MYH15: variants seen among roughly 807,000 people sequenced by gnomAD.
The protein encoded by MYH15 is myosin-15.
Under a neutral mutation model 240.5 loss-of-function variants are expected in MYH15, and 227 were observed. The observed-to-expected ratio is 0.94, with a 90% CI of 0.85 to 1.05. The LOEUF is 1.05. MYH15 is among the 50% of genes least tolerant of loss of function. The pLI, the probability that MYH15 is intolerant of heterozygous loss-of-function variation, is 0.00. For missense variants in MYH15, 2,217 were observed against 2,247.5 expected (o/e 0.99, Z 0.27); for synonymous variants, 785 against 796.7 (o/e 0.99, Z 0.25).
rs1191442855 is a variant in MYH15 at position 108,391,833 on chromosome 3, T to C, written c.5357A>G (p.Gln1786Arg). 9 of 1,614,040 alleles carry C rather than the reference T, an allele frequency of 5.6e-6. No individual in the cohort carries two copies. The highest frequency in any genetic ancestry group is 5.5e-5 in the South Asian group (5 of 91,088). Residue 1786 changes from glutamine (Q) to arginine (R), a missense_variant, in exon 37 of 41, where the codon CAG (glutamine) becomes CGG (arginine). Transcript: ENST00000693548. ...CTGTTCAGCTTCAGCCAGCCTTTTC[T>C]GTAAGTCTGTAATTGTCTGCTCCAT... ...ENMEQTITDL[Q>R]KRLAEAEQMA...
chr3:108,427,329 T>G (rs2082731993), intron 27 of MYH15, among the ~76,000 whole-genome samples: 1 of 152,078 alleles, frequency 6.6e-6, no homozygotes. Context: ...GATGGGGCCT[T>G]TAGGAGGTGA....
intron 36 of MYH15, among the ~76,000 whole-genome samples, chr3:108,393,470 C>T (rs544313108): frequency 9.8e-5 from 15 of 152,312 alleles, no homozygotes; most frequent in African/African-American, 2.4e-4. Context: ...TATGAAGGTG[C>T]GCCAAAGCTG....
intron 40 of MYH15, among the ~76,000 whole-genome samples, chr3:108,382,095 G>T (rs947322299): frequency 1.3e-5 from 2 of 152,130 alleles, no homozygotes; most frequent in Non-Finnish European, 2.9e-5. Context: ...TGTTTTGAAG[G>T]CCCTTCAACC....
intron 27 of MYH15, 72 bp downstream of exon 27, chr3:108,428,420 C>A (rs2082743750): frequency 6.7e-7 from 1 of 1,503,050 alleles, no homozygotes; most frequent in Admixed American, 2.2e-5. Flanking sequence ...TTTTCTTTTC[C>A]CTCCCCTCCC....
intron 39 of MYH15, among the ~76,000 whole-genome samples, chr3:108,384,058 C>T (rs920641609): frequency 6.6e-6 from 1 of 152,088 alleles, no homozygotes; most frequent in African/African-American, 2.4e-5. Flanking sequence ...TCCTATTCTA[C>T]CCCTGGGTAG....
chr3:108,549,564 CA>C, the MYH15 span, among the ~76,000 whole-genome samples: 1 of 151,952 alleles, frequency 6.6e-6, no homozygotes, highest in African/African-American at 2.4e-5. Context: ...GTTCTTTAAA[CA>C]CATACTTGTG....
At chr3:108,446,695 C>A (rs2082931406) in intron 21 of MYH15, among the ~76,000 whole-genome samples, 1 of 152,176 alleles carries the variant, frequency 6.6e-6, no homozygotes, top group African/African-American at 2.4e-5. Context: ...GAGCGGTTAG[C>A]AACAACGTCC....
At chr3:108,493,401 T>C (rs1305408490) in intron 7 of MYH15, among the ~76,000 whole-genome samples, 1 of 152,204 alleles carries the variant, frequency 6.6e-6, no homozygotes. Context: ...GAAGCCAGAA[T>C]GATTGTCAGG....
At chr3:108,545,447 G>A in the MYH15 span, among the ~76,000 whole-genome samples, 1 of 152,110 alleles carries the variant, frequency 6.6e-6, no homozygotes, top group South Asian at 2.1e-4. Flanking sequence ...TCTACTAAAA[G>A]CCATGAGCTT....
At chr3:108,417,029 AC>A in intron 28 of MYH15, 99 bp from the exon 29 acceptor site, 1 of 871,874 alleles carries the variant, frequency 1.1e-6, no homozygotes. Context: ...AATGACTCCT[AC>A]CCACATATTT....
At chr3:108,426,482 G>T (rs1327260649) in intron 27 of MYH15, among the ~76,000 whole-genome samples, 1 of 152,172 alleles carries the variant, frequency 6.6e-6, no homozygotes, top group Non-Finnish European at 1.5e-5. Context: ...GTGCTCCTCT[G>T]CCACTCAGGC....
At chr3:108,438,550 G>A (rs1281392011) in intron 24 of MYH15, among the ~76,000 whole-genome samples, 1 of 152,154 alleles carries the variant, frequency 6.6e-6, no homozygotes, top group African/African-American at 2.4e-5. Context: ...CAGTATGATG[G>A]TGTTGGGAGG....
At chr3:108,539,219 ATAT>A in the MYH15 span, among the ~76,000 whole-genome samples, 2 of 152,226 alleles carry the variant, frequency 1.3e-5, no homozygotes, top group East Asian at 1.9e-4. Context: ...AACAGCTCTC[ATAT>A]TATTGAGTGA....
chr3:108,521,012 T>C (rs145601558), intron 1 of MYH15, among the ~76,000 whole-genome samples: 51 of 152,242 alleles, frequency 3.3e-4, no homozygotes, highest in African/African-American at 1.2e-3. Context: ...AAGCTAGTCA[T>C]TTTGGGAGAA....
intron 19 of MYH15, 59 bp downstream of exon 19, chr3:108,456,707 A>C: frequency 8.0e-7 from 1 of 1,252,286 alleles, no homozygotes; most frequent in Non-Finnish European, 1.2e-6. Context: ...AACACTCGGA[A>C]AGGGAGGAAA....
intron 33 of MYH15, 139 bp from the exon 34 acceptor site, chr3:108,399,406 T>C (rs2082487836): frequency 1.4e-6 from 1 of 720,172 alleles, no homozygotes; most frequent in Non-Finnish European, 2.2e-6. Flanking sequence ...AAAATGAGTC[T>C]AAGTGCTTTT....
At chr3:108,393,619 AAAT>A (rs1331222400) in intron 36 of MYH15, among the ~76,000 whole-genome samples, 2 of 152,256 alleles carry the variant, frequency 1.3e-5, no homozygotes, top group Non-Finnish European at 2.9e-5. Context: ...GTTGTAAAAA[AAAT>A]AAGTGAATTA....
chr3:108,543,100 C>G, the MYH15 span, among the ~76,000 whole-genome samples: 1 of 151,928 alleles, frequency 6.6e-6, no homozygotes, highest in Non-Finnish European at 1.5e-5. Context: ...AGGATGGTCT[C>G]GATCTCCTGA....
chr3:108,529,221 T>C, intron 1 of MYH15: 2 of 1,584,292 alleles, frequency 1.3e-6, no homozygotes, highest in South Asian at 1.1e-5. Flanking sequence ...CTATTCAGCA[T>C]TCTGTTAGAC....
Sources: allele counts gnomAD v4.1 joint callset (sites outside exome capture counted in the v4.1 genomes callset), GRCh38; gene constraint gnomAD v4.1.1; transcripts MANE v1.5; gene names NCBI Gene and HGNC (gene_info 2026-07-23, HGNC 2026-07-21).